Variants in SLC60A1 observed in about 807,000 individuals in gnomAD.
SLC60A1 encodes major facilitator superfamily domain containing 4.
the SLC60A1 span, chr1:205,598,101 C>A: frequency 2.3e-6 from 1 of 429,602 alleles, no homozygotes; most frequent in Non-Finnish European, 4.4e-6. Context: ...CAAGCCATGT[C>A]TGGGAGCAGG....
the SLC60A1 span, chr1:205,597,835 G>C: frequency 6.2e-7 from 1 of 1,614,006 alleles, no homozygotes; most frequent in South Asian, 1.1e-5. Context: ...TGGTGCTGCA[G>C]ATGCTGGTTG....
At chr1:205,580,998 A>T in the SLC60A1 span, 1 of 1,516,818 alleles carries the variant, frequency 6.6e-7, no homozygotes, top group Non-Finnish European at 8.8e-7. The surrounding 1 kb of genome is among the most constrained non-coding windows in gnomAD (Gnocchi z 5.0). Flanking sequence ...CACCCAGTGA[A>T]GATTCTTCAG....
chr1:205,592,497 A>G, the SLC60A1 span, among the ~76,000 whole-genome samples: 1 of 151,586 alleles, frequency 6.6e-6, no homozygotes, highest in African/African-American at 2.4e-5. Context: ...CTCGTCATTT[A>G]GCATTAGGTA....
the SLC60A1 span, among the ~76,000 whole-genome samples, chr1:205,580,169 C>T: frequency 2.6e-4 from 39 of 152,292 alleles, no homozygotes; most frequent in Middle Eastern, 6.8e-3. This position sits in a 1 kb window ranked among gnomAD's most constrained non-coding sequence, Gnocchi z 5.0. Flanking sequence ...AAGCTCTTTG[C>T]GAACTGGAAA....
At chr1:205,593,414 T>C in the SLC60A1 span, among the ~76,000 whole-genome samples, 1 of 17,190 alleles carries the variant, frequency 5.8e-5, no homozygotes, top group Admixed American at 4.9e-4. Context: ...GAGCTTGCAG[T>C]GAGCACTCCA....
At chr1:205,585,952 C>T in the SLC60A1 span, 2 of 1,460,062 alleles carry the variant, frequency 1.4e-6, no homozygotes, top group African/African-American at 1.4e-5. The surrounding 1 kb of genome is among the most constrained non-coding windows in gnomAD (Gnocchi z 4.2). Flanking sequence ...CTCCCCACAC[C>T]TGCCCAGCCT....
the SLC60A1 span, among the ~76,000 whole-genome samples, chr1:205,573,563 C>CATATT: frequency 0.73 from 110,740 of 151,560 alleles, 41,928 homozygotes; most frequent in East Asian, 0.96. Context: ...CAAGAGATCA[C>CATATT]ATATCATTTA....
the SLC60A1 span, chr1:205,600,204 C>T: frequency 5.7e-6 from 3 of 526,302 alleles, no homozygotes; most frequent in South Asian, 3.1e-5. Flanking sequence ...AGACACATTC[C>T]CCAAGCCCTA....
the SLC60A1 span, chr1:205,579,975 C>CT: frequency 6.2e-7 from 1 of 1,602,218 alleles, no homozygotes; most frequent in Non-Finnish European, 8.5e-7. Context: ...AGGCACAGGG[C>CT]TGGGAGCTGG....
chr1:205,597,219 A>G, the SLC60A1 span, among the ~76,000 whole-genome samples: 1 of 152,176 alleles, frequency 6.6e-6, no homozygotes, highest in Admixed American at 6.5e-5. Context: ...TGAGATATTG[A>G]TGAGCAATTA....
chr1:205,585,590 C>T, the SLC60A1 span, among the ~76,000 whole-genome samples: 21 of 152,280 alleles, frequency 1.4e-4, no homozygotes, highest in African/African-American at 3.4e-4. The surrounding 1 kb of genome is among the most constrained non-coding windows in gnomAD (Gnocchi z 4.2). Flanking sequence ...GGAAAGTACT[C>T]GTGACAGTAC....
chr1:205,580,648 C>G, the SLC60A1 span: 33 of 1,601,458 alleles, frequency 2.1e-5, no homozygotes, highest in Non-Finnish European at 2.8e-5. The surrounding 1 kb of genome is among the most constrained non-coding windows in gnomAD (Gnocchi z 5.0). Context: ...CGCCACCTCT[C>G]CTCTGTCCCC....
the SLC60A1 span, among the ~76,000 whole-genome samples, chr1:205,573,880 T>C: frequency 6.6e-6 from 1 of 151,878 alleles, no homozygotes; most frequent in African/African-American, 2.4e-5. Flanking sequence ...GTATTTTTAG[T>C]GGAGACAGGT....
the SLC60A1 span, among the ~76,000 whole-genome samples, chr1:205,594,070 C>T: frequency 6.6e-6 from 1 of 152,172 alleles, no homozygotes; most frequent in African/African-American, 2.4e-5. Flanking sequence ...ATCAGCCAGT[C>T]ATCATCCAGG....
chr1:205,580,912 C>T, the SLC60A1 span: 1 of 1,613,334 alleles, frequency 6.2e-7, no homozygotes, highest in South Asian at 1.1e-5. The surrounding 1 kb of genome is among the most constrained non-coding windows in gnomAD (Gnocchi z 5.0). Context: ...GGATCATGGC[C>T]CTCATCAATG....
chr1:205,585,034 A>AC, the SLC60A1 span: 1 of 1,506,212 alleles, frequency 6.6e-7, no homozygotes, highest in Non-Finnish European at 9.2e-7. This position sits in a 1 kb window ranked among gnomAD's most constrained non-coding sequence, Gnocchi z 4.2. Context: ...GGGACCCTTC[A>AC]CCCCCAGACT....
chr1:205,581,134 G>A, the SLC60A1 span, among the ~76,000 whole-genome samples: 1 of 152,248 alleles, frequency 6.6e-6, no homozygotes, highest in African/African-American at 2.4e-5. The surrounding 1 kb of genome is among the most constrained non-coding windows in gnomAD (Gnocchi z 4.2). Context: ...CAGTTCTCAA[G>A]GAGGGTAAAA....
At chr1:205,579,954 G>C in the SLC60A1 span, 1 of 1,611,136 alleles carries the variant, frequency 6.2e-7, no homozygotes. Context: ...CTCCAGGTAA[G>C]CCCGGCCAGC....
the SLC60A1 span, among the ~76,000 whole-genome samples, chr1:205,577,207 A>G: frequency 6.6e-6 from 1 of 152,036 alleles, no homozygotes; most frequent in African/African-American, 2.4e-5. This position sits in a 1 kb window ranked among gnomAD's most constrained non-coding sequence, Gnocchi z 5.2. Context: ...CCGTCCCTAC[A>G]TGATTCTTTC....
Sources: allele counts gnomAD v4.1 joint callset (sites outside exome capture counted in the v4.1 genomes callset), GRCh38; gene constraint gnomAD v4.1.1; non-coding constraint Gnocchi (gnomAD v3.1); transcripts MANE v1.5; gene names NCBI Gene and HGNC (gene_info 2026-07-23, HGNC 2026-07-21).